Variants in CLPB observed in about 807,000 individuals in gnomAD.
The protein encoded by CLPB is mitochondrial disaggregase.
CLPB carries 40 observed loss-of-function variants against 78.4 expected under a neutral mutation model. That is an observed-to-expected ratio of 0.51 (90% CI 0.40 to 0.66). CLPB has a LOEUF of 0.66. Ranked by LOEUF, CLPB falls within the 30% of genes least tolerant of loss-of-function variation. The probability of loss-of-function intolerance (pLI) is 0.00; values close to 1 mark genes in which losing one functional copy is unlikely to be tolerated. For synonymous variants in CLPB, 333 were observed against 348.0 expected (o/e 0.96, Z 0.48); for missense variants, 780 against 886.9 (o/e 0.88, Z 1.53).
intron 7 of CLPB, among the ~76,000 whole-genome samples, chr11:72,316,385 T>G (rs1030263663): frequency 1.9e-4 from 29 of 152,198 alleles, no homozygotes; most frequent in African/African-American, 6.5e-4. Context: ...GGGTTCCTCT[T>G]CCCTTGCCTC....
intron 2 of CLPB, among the ~76,000 whole-genome samples, chr11:72,403,318 A>T (rs1855618184): frequency 1.3e-5 from 2 of 152,104 alleles, no homozygotes; most frequent in Admixed American, 1.3e-4. Context: ...CCTTCCCTTA[A>T]ATCAGTCTGT....
chr11:72,320,630 T>C, intron 6 of CLPB, among the ~76,000 whole-genome samples: 1 of 152,206 alleles, frequency 6.6e-6, no homozygotes, highest in East Asian at 1.9e-4. Context: ...GGCAGAAGAT[T>C]ACTGCTTCAT....
intron 5 of CLPB, among the ~76,000 whole-genome samples, chr11:72,343,393 C>G (rs1950456888): frequency 6.6e-6 from 1 of 152,140 alleles, no homozygotes; most frequent in Non-Finnish European, 1.5e-5. Flanking sequence ...ATGTTATAGG[C>G]TACGGTTCTG....
chr11:72,374,589 T>C (rs1030795744), intron 4 of CLPB, among the ~76,000 whole-genome samples: 2 of 152,190 alleles, frequency 1.3e-5, no homozygotes, highest in Non-Finnish European at 2.9e-5. Flanking sequence ...CCCAGCTAAG[T>C]AGGCTTCTTG....
intron 2 of CLPB, chr11:72,410,813 G>A (rs1237352846): frequency 6.6e-6 from 1 of 152,202 alleles, no homozygotes; most frequent in Admixed American, 6.5e-5. Context: ...GACCAAAGAG[G>A]TAACAGCTAT....
At chr11:72,408,187 C>G in intron 2 of CLPB, 1 of 1,535,456 alleles carries the variant, frequency 6.5e-7, no homozygotes, top group Non-Finnish European at 8.7e-7. Flanking sequence ...GAGCATCATT[C>G]TTTGCAGTCT....
chr11:72,299,738 A>T (rs902913851), intron 11 of CLPB, among the ~76,000 whole-genome samples: 1 of 152,342 alleles, frequency 6.6e-6, no homozygotes, highest in Non-Finnish European at 1.5e-5. Flanking sequence ...AAAGAGCCTA[A>T]ATCGAGTAAA....
intron 4 of CLPB, among the ~76,000 whole-genome samples, chr11:72,362,714 G>A (rs983936119): frequency 8.5e-5 from 13 of 152,188 alleles, no homozygotes; most frequent in Admixed American, 3.9e-4. Flanking sequence ...TGAATAAAGG[G>A]GCTGGGTACA....
At chr11:72,298,274 C>A (rs370709814) in intron 11 of CLPB, among the ~76,000 whole-genome samples, 14 of 152,260 alleles carry the variant, frequency 9.2e-5, no homozygotes, top group African/African-American at 2.6e-4. Context: ...AGGGGTGAGG[C>A]TGCTTCCCTC....
chr11:72,345,843 T>C lies in CLPB; in HGVS notation c.775+13037A>G, dbSNP rs144787312. On this transcript the variant is annotated intron_variant, in intron 5 of 15. Transcript: ENST00000538039. ...TTGACTATATACTCTCAGCCTTGGA[T>C]AGACTAGGGGTGAGAACTGCAAACA... Among the ~76,000 whole-genome samples, 45 of 152,308 alleles carry C rather than the reference T, an allele frequency of 3.0e-4. No homozygotes were observed. The East Asian group carries it at 8.3e-3, about 28-fold the overall frequency.
At chr11:72,348,104 T>G (rs1469169777) in intron 5 of CLPB, among the ~76,000 whole-genome samples, 2 of 152,230 alleles carry the variant, frequency 1.3e-5, no homozygotes, top group African/African-American at 4.8e-5. Context: ...TAAATTTGTG[T>G]TGTTTTAAGC....
At chr11:72,355,684 A>G (rs556384295) in intron 5 of CLPB, among the ~76,000 whole-genome samples, 4 of 152,270 alleles carry the variant, frequency 2.6e-5, no homozygotes, top group South Asian at 4.2e-4. Flanking sequence ...TTCCCTTTCT[A>G]TTACTCCATG....
chr11:72,420,363 T>A (rs11821309), intron 2 of CLPB, among the ~76,000 whole-genome samples: 7,075 of 152,112 alleles, frequency 0.047, 495 homozygotes, highest in African/African-American at 0.14. Flanking sequence ...GCGCAGTAGC[T>A]GTCGCCTGTA....
At chr11:72,302,501 C>T in intron 9 of CLPB, 153 bp from the exon 10 acceptor site, 3 of 688,102 alleles carry the variant, frequency 4.4e-6, no homozygotes, top group Admixed American at 2.2e-5. Flanking sequence ...TTTCTGACTT[C>T]CTGTCTCCTT....
intron 3 of CLPB, among the ~76,000 whole-genome samples, chr11:72,380,745 A>T (rs997918985): frequency 4.6e-5 from 7 of 152,210 alleles, no homozygotes; most frequent in Non-Finnish European, 1.0e-4. Context: ...CACCTTTCTA[A>T]GGCCCAGTTT....
At chr11:72,320,099 A>G (rs1258008755) in intron 6 of CLPB, among the ~76,000 whole-genome samples, 1 of 152,218 alleles carries the variant, frequency 6.6e-6, no homozygotes, top group Non-Finnish European at 1.5e-5. Flanking sequence ...CCACTGCCTG[A>G]GGTGGCTCAT....
chr11:72,320,461 G>C (rs934963915), intron 6 of CLPB, among the ~76,000 whole-genome samples: 1 of 152,160 alleles, frequency 6.6e-6, no homozygotes, highest in African/African-American at 2.4e-5. Context: ...GAGCTTTCTA[G>C]ATGGTCTTGG....
intron 9 of CLPB, among the ~76,000 whole-genome samples, chr11:72,304,909 C>T (rs760428467): frequency 2.6e-5 from 4 of 152,162 alleles, no homozygotes; most frequent in Non-Finnish European, 5.9e-5. Flanking sequence ...ACACTGGCTA[C>T]GTAGCTTAAA....
At chr11:72,368,915 C>T (rs1950992311) in intron 4 of CLPB, among the ~76,000 whole-genome samples, 1 of 152,170 alleles carries the variant, frequency 6.6e-6, no homozygotes, top group African/African-American at 2.4e-5. Context: ...AGGACCTCAC[C>T]TCATTATCAC....
Sources: allele counts gnomAD v4.1 joint callset (sites outside exome capture counted in the v4.1 genomes callset), GRCh38; gene constraint gnomAD v4.1.1; transcripts MANE v1.5; gene names NCBI Gene and HGNC (gene_info 2026-07-23, HGNC 2026-07-21).